Variants in MGRN1 observed in about 807,000 individuals in gnomAD.
MGRN1 encodes mahogunin ring finger 1.
Under a neutral mutation model 69.2 loss-of-function variants are expected in MGRN1, and 29 were observed. The observed-to-expected ratio is 0.42, with a 90% confidence interval of 0.31 to 0.57. MGRN1 has a LOEUF of 0.57. MGRN1 is among the 20% of genes least tolerant of loss of function. The probability of loss-of-function intolerance (pLI) is 0.15; values close to 1 mark genes in which losing one functional copy is unlikely to be tolerated. For missense variants in MGRN1, 998 were observed against 796.2 expected (o/e 1.25, Z -3.05); for synonymous variants, 470 against 344.2 (o/e 1.37, Z -4.04).
At chr16:4,647,026 TG>T (rs934814403) in intron 1 of MGRN1, among the ~76,000 whole-genome samples, 2 of 150,552 alleles carry the variant, frequency 1.3e-5, no homozygotes, top group Admixed American at 6.6e-5. Context: ...CCTGGAAGGG[TG>T]GGGGCTGATC....
intron 11 of MGRN1, 93 bp downstream of exon 11, chr16:4,677,665 G>A (rs909502953): frequency 1.1e-4 from 134 of 1,234,838 alleles, no homozygotes; most frequent in Non-Finnish European, 1.4e-4. Context: ...CAGCAGCCCC[G>A]TGTTCTCTTC....
chr16:4,677,316 GAAAAA>G (rs199899105), intron 10 of MGRN1, 142 bp from the exon 11 acceptor site: 4 of 429,830 alleles, frequency 9.3e-6, no homozygotes, highest in African/African-American at 2.1e-5. Context: ...AAAACTAAAA[GAAAAA>G]AAAAAGACCG....
chr16:4,642,205 G>A (rs1041633537), intron 1 of MGRN1, among the ~76,000 whole-genome samples: 2 of 149,410 alleles, frequency 1.3e-5, no homozygotes, highest in Non-Finnish European at 3.0e-5. Context: ...ATTTCAGCTC[G>A]CTGCAACCTC....
chr16:4,655,536 C>T (rs972083236), intron 4 of MGRN1, among the ~76,000 whole-genome samples: 18 of 151,868 alleles, frequency 1.2e-4, no homozygotes, highest in East Asian at 3.9e-4. Context: ...CCCCTCCCAG[C>T]GGGGATCACA....
chr16:4,655,946 G>T lies in MGRN1; in HGVS notation c.444-1300G>T, dbSNP rs374511814. Among the ~76,000 whole-genome samples, 107 of 152,358 alleles carry T rather than the reference G, an allele frequency of 7.0e-4. 1 individual carries two copies. The highest frequency in any genetic ancestry group is 2.4e-3 in the African/African-American group (100 of 41,580). ...GTGCCTTTTACTGAGGCTGAGCCCG[G>T]GCCTCCCCTGTAGTGCCTCCAACCA... is the stretch of plus-strand genomic sequence containing the variant. On this transcript the variant is annotated intron_variant, in intron 4 of 16. Coordinates refer to ENST00000262370, the MANE Select transcript of MGRN1 (RefSeq NM_015246.4).
chr16:4,652,747 C>G lies in MGRN1; in HGVS notation c.366C>G (p.Phe122Leu), dbSNP rs1326475143. Residue 122 changes from phenylalanine to leucine, a missense_variant, in exon 4 of 17, where the codon TTC (phenylalanine) becomes TTG (leucine). Transcript: ENST00000262370. ...DKPRVLYSLE[F>L]TFDADARVAI... ...CCCGGGTGCTCTACAGCCTGGAGTT[C>G]ACCTTCGACGCCGATGCCCGCGTGG... The G allele has an allele frequency of 6.2e-7, 1 of 1,613,014 alleles. No individual in the cohort carries two copies. Among genetic ancestry groups the G allele is most frequent in the African/African-American group, 1.3e-5 (1 of 74,882 alleles).
chr16:4,635,164 C>G (rs1898215017), intron 1 of MGRN1: 1 of 152,330 alleles, frequency 6.6e-6, no homozygotes, highest in Admixed American at 6.5e-5. Flanking sequence ...GTAATCCCAG[C>G]ACTTTGGGAG....
intron 1 of MGRN1, among the ~76,000 whole-genome samples, chr16:4,627,682 G>A (rs916907104): frequency 2.6e-5 from 4 of 151,756 alleles, no homozygotes; most frequent in African/African-American, 7.3e-5. Context: ...CCAGCTACGC[G>A]GGAGGCTGAG....
At chr16:4,651,916 G>C (rs750173562) in intron 2 of MGRN1, 47 bp from the exon 3 acceptor site, 2 of 1,564,450 alleles carry the variant, frequency 1.3e-6, no homozygotes, top group Non-Finnish European at 1.8e-6. Flanking sequence ...TTCTGTTGTT[G>C]GCTGCTCCTG....
In MGRN1 at chr16:4,688,094, A is replaced by T. The variant is rs1236244044; in HGVS notation, c.1619-702A>T. On this transcript the variant is annotated intron_variant, in intron 16 of 16. Coordinates refer to ENST00000262370, the MANE Select transcript of MGRN1 (RefSeq NM_015246.4). ...TCGCCGCGGCCCCCGAAGAAAATAG[A>T]CGCCCTTCACCGGAGAGTGGGGCCT... The T allele has an allele frequency of 4.1e-6, 4 of 985,326 alleles. No homozygotes were observed. In the African/African-American group the frequency reaches 7.0e-5, roughly 17 times the overall value. The allele number at this position is 985,326 out of a possible 1,614,324, so 61.0% of individuals were successfully genotyped here. A position where few individuals can be genotyped will look rare whatever the true frequency, so the allele number is the denominator to read the frequency against.
In MGRN1 at chr16:4,650,315, CT is replaced by C. The variant is rs1389609538; in HGVS notation, c.89-49del. The C allele has an allele frequency of 6.9e-6, 9 of 1,298,712 alleles. No homozygotes were observed. In the South Asian group the frequency reaches 1.2e-4, roughly 17 times the overall value. 80.4% of individuals were successfully genotyped at this position (1,298,712 alleles called of 1,614,324 possible). A position where few individuals can be genotyped will look rare whatever the true frequency, so the allele number is the denominator to read the frequency against. ...ACTGCACTCTAGCCTGAGACTCTGT[CT>C]CAAAAAAAAAAAAAAAAAATCTATA... On this transcript the variant is annotated intron_variant, in intron 1 of 16. Transcript: ENST00000262370.
intron 6 of MGRN1, 61 bp from the exon 7 acceptor site, chr16:4,665,041 G>A (rs1020521141): frequency 3.1e-6 from 5 of 1,592,712 alleles, no homozygotes; most frequent in Non-Finnish European, 3.4e-6. Context: ...GGTCGGGGAG[G>A]TGAGATGCCT....
At chr16:4,668,119 C>G in intron 7 of MGRN1, 146 bp from the exon 8 acceptor site, 1 of 642,698 alleles carries the variant, frequency 1.6e-6, no homozygotes, top group Middle Eastern at 4.2e-4. Flanking sequence ...TCAAGTGGCC[C>G]CACCCTTTTT....
chr16:4,657,738 CTTTTT>C (rs1157518931), intron 5 of MGRN1, among the ~76,000 whole-genome samples: 6 of 77,050 alleles, frequency 7.8e-5, no homozygotes, highest in African/African-American at 1.7e-4. Flanking sequence ...TGCAGACATC[CTTTTT>C]TTTTTTTTTT....
intron 1 of MGRN1, among the ~76,000 whole-genome samples, chr16:4,647,251 C>T (rs1306393490): frequency 6.6e-6 from 1 of 152,234 alleles, no homozygotes; most frequent in Non-Finnish European, 1.5e-5. Context: ...CTCAGCCCTG[C>T]TCCATGACTG....
intron 3 of MGRN1, among the ~76,000 whole-genome samples, chr16:4,652,367 C>A (rs1019148225): frequency 2.0e-5 from 3 of 152,030 alleles, no homozygotes; most frequent in Non-Finnish European, 2.9e-5. Context: ...ACGGCCCCCC[C>A]ACAGACAGGA....
At chr16:4,668,430 C>T in intron 8 of MGRN1, 118 bp downstream of exon 8, 3 of 911,460 alleles carry the variant, frequency 3.3e-6, no homozygotes, top group East Asian at 5.2e-5. Context: ...CTCATACACG[C>T]TCATACACAC....
rs946650894 is a variant in MGRN1 at position 4,688,341 on chromosome 16, G to A, written c.1619-455G>A. On this transcript the variant is annotated intron_variant, in intron 16 of 16. Transcript: ENST00000262370. ...TCTCTTTGCCTTGCAGTAGCCATCCGGGGGCTACTCTGAGCACGGGCTTGT... is the reference window on the plus strand; with the variant it reads ...TCTCTTTGCCTTGCAGTAGCCATCCAGGGGCTACTCTGAGCACGGGCTTGT... The A allele has an allele frequency of 2.0e-5, 20 of 989,924 alleles. No homozygotes were observed. The East Asian group carries it at 3.3e-4, about 16-fold the overall frequency. 61.3% of individuals were successfully genotyped at this position (989,924 alleles called of 1,614,324 possible).
chr16:4,654,212 G>A (rs2078476844), intron 4 of MGRN1, among the ~76,000 whole-genome samples: 1 of 152,130 alleles, frequency 6.6e-6, no homozygotes, highest in African/African-American at 2.4e-5. Context: ...AAATTCCAAG[G>A]GTTTGGAGTT....
Sources: gnomAD v4.1 joint callset for allele counts (sites outside exome capture counted in the v4.1 genomes callset) on GRCh38, gnomAD v4.1.1 for gene constraint, MANE v1.5 for transcripts, NCBI Gene and HGNC (gene_info 2026-07-23, HGNC 2026-07-21) for gene names.